The following TEAD1 variants were observed in gnomAD, a reference collection of about 807,000 sequenced individuals.
TEAD1 encodes TEA domain transcription factor 1.
TEAD1 carries 9 observed loss-of-function variants against 54.9 expected under a neutral mutation model. That is an observed-to-expected ratio of 0.16 (90% confidence interval 0.10 to 0.29). The LOEUF (loss-of-function observed/expected upper bound fraction) is 0.29. Ranked by LOEUF, TEAD1 falls within the 10% of genes least tolerant of loss-of-function variation. The pLI is 1.00. For synonymous variants in TEAD1, 200 were observed against 187.8 expected (o/e 1.07, Z -0.53); for missense variants, 387 against 535.9 (o/e 0.72, Z 2.74).
chr11:12,801,940 G>A (rs1253968499), intron 3 of TEAD1, among the ~76,000 whole-genome samples: 2 of 152,202 alleles, frequency 1.3e-5, no homozygotes, highest in African/African-American at 4.8e-5. Context: ...TTGGCTTAAT[G>A]TAGATATGTT....
chr11:12,883,993 CAAA>C (rs11316523), intron 9 of TEAD1, among the ~76,000 whole-genome samples: 13 of 128,384 alleles, frequency 1.0e-4, no homozygotes, highest in Non-Finnish European at 1.0e-4. Context: ...GACTCCGTCT[CAAA>C]AAAAAAAAAA....
intron 2 of TEAD1, among the ~76,000 whole-genome samples, chr11:12,677,122 C>T (rs1026948427): frequency 9.9e-5 from 15 of 152,092 alleles, no homozygotes; most frequent in African/African-American, 3.1e-4. Context: ...CTGCGGGGAA[C>T]ATGCCTGAGA....
intron 5 of TEAD1, chr11:12,878,840 A>G (rs1330226125): frequency 8.1e-7 from 1 of 1,227,492 alleles, no homozygotes; most frequent in Admixed American, 2.9e-5. Context: ...AAGAAAAAAA[A>G]TCCCTTTTTA....
intron 2 of TEAD1, among the ~76,000 whole-genome samples, chr11:12,750,444 A>G (rs755826083): frequency 6.6e-6 from 1 of 152,226 alleles, no homozygotes; most frequent in Non-Finnish European, 1.5e-5. Context: ...CAGTTTATCT[A>G]GAGAACTGTC....
intron 3 of TEAD1, among the ~76,000 whole-genome samples, chr11:12,809,893 G>C (rs1946258497): frequency 6.6e-6 from 1 of 151,914 alleles, no homozygotes; most frequent in South Asian, 2.1e-4. Context: ...CCTGAGGCAT[G>C]AAGGAGGCCT....
At chr11:12,712,147 G>A (rs4537737) in intron 2 of TEAD1, among the ~76,000 whole-genome samples, 17,365 of 152,124 alleles carry the variant, frequency 0.11, 3,339 homozygotes, top group African/African-American at 0.4. Flanking sequence ...TCTTCATGGA[G>A]TCACCCTTGT....
intron 11 of TEAD1, among the ~76,000 whole-genome samples, chr11:12,926,907 G>T (rs748414128): frequency 6.8e-4 from 104 of 152,196 alleles, no homozygotes; most frequent in Non-Finnish European, 1.2e-3. Flanking sequence ...AGGAAGCAAA[G>T]TTACCTGTGT....
At chr11:12,777,246 C>T (rs761143253) in intron 3 of TEAD1, among the ~76,000 whole-genome samples, 2 of 152,222 alleles carry the variant, frequency 1.3e-5, no homozygotes, top group East Asian at 3.9e-4. Context: ...GTAGTCCCCC[C>T]GCCTTTGGGG....
chr11:12,714,125 C>T (rs1944003095), intron 2 of TEAD1, among the ~76,000 whole-genome samples: 1 of 152,136 alleles, frequency 6.6e-6, no homozygotes, highest in African/African-American at 2.4e-5. Context: ...GCAAGAATAT[C>T]TGGGCAGGCA....
chr11:12,900,532 C>A (rs1948407900), intron 9 of TEAD1, among the ~76,000 whole-genome samples: 1 of 152,134 alleles, frequency 6.6e-6, no homozygotes, highest in Non-Finnish European at 1.5e-5. Flanking sequence ...GAAGTGAATG[C>A]CATCACTGTC....
intron 2 of TEAD1, among the ~76,000 whole-genome samples, chr11:12,723,305 C>G (rs368004521): frequency 1.9e-3 from 284 of 152,248 alleles, no homozygotes; most frequent in African/African-American, 6.4e-3. Context: ...TATGGCTTTA[C>G]TTACTATGTT....
chr11:12,772,828 T>C lies in TEAD1; in HGVS notation c.202+8394T>C, dbSNP rs4319499. Among the ~76,000 whole-genome samples the C allele has an allele frequency of 2.6e-3, 394 of 152,256 alleles. 11 individuals carry two copies. The East Asian group carries it at 0.061, about 24-fold the overall frequency. ...AGTTTTACTTGAACTCGTTTGTGTG[T>C]GCGTACTAAGTTGTGTACACTACTT... is the stretch of plus-strand genomic sequence containing the variant. On this transcript the variant is annotated intron_variant, in intron 3 of 12. Transcript: ENST00000527636.
chr11:12,753,595 A>G (rs781580772), intron 2 of TEAD1, among the ~76,000 whole-genome samples: 2 of 151,278 alleles, frequency 1.3e-5, no homozygotes, highest in Admixed American at 6.6e-5. Context: ...TTTTTTTTCT[A>G]TTGGGTTGTC....
At chr11:12,806,513 G>C (rs1946176044) in intron 3 of TEAD1, among the ~76,000 whole-genome samples, 2 of 151,996 alleles carry the variant, frequency 1.3e-5, no homozygotes, top group South Asian at 4.1e-4. Flanking sequence ...ATCCTCAAAG[G>C]CTCCTCACCC....
intron 6 of TEAD1, 118 bp from the exon 7 acceptor site, chr11:12,880,887 C>A (rs531435617): frequency 4.3e-6 from 5 of 1,168,438 alleles, no homozygotes; most frequent in Non-Finnish European, 6.5e-6. Flanking sequence ...TCTGGGAAAG[C>A]GATTCTGTTG....
intron 5 of TEAD1, among the ~76,000 whole-genome samples, chr11:12,878,232 A>G (rs1947895274): frequency 6.6e-6 from 1 of 152,162 alleles, no homozygotes; most frequent in South Asian, 2.1e-4. Flanking sequence ...CACCTAGCAC[A>G]TCTTTCTTAG....
Position 12,764,314 on chromosome 11 carries a change from G to C in TEAD1, c.82G>C (p.Asp28His). Reference sequence around the variant, plus strand: ...GAGTGACTCTGCAGATAAGCCAATTGACAATGATGCAGAAGGGGTCTGGAG... The same window carrying C: ...GAGTGACTCTGCAGATAAGCCAATTCACAATGATGCAGAAGGGGTCTGGAG... The change falls in exon 3 of 13, where the codon GAC becomes CAC. Residue 28 changes from aspartate (D) to histidine (H), a missense_variant. Physicochemically the swap from Asp to His is moderately conservative, Grantham distance 81. Around this residue, in one of 5 missense-constraint regions of TEAD1, gnomAD observed 55 missense variants for 50.4 expected, o/e 1.09. Transcript: ENST00000527636. 6.2e-7 allele frequency: 1 copy of C among 1,614,202 alleles called. No homozygotes were observed. The highest frequency in any genetic ancestry group is 8.5e-7 in the Non-Finnish European group (1 of 1,180,032).
chr11:12,679,509 AAT>A (rs1321556649), intron 2 of TEAD1, among the ~76,000 whole-genome samples: 1 of 152,226 alleles, frequency 6.6e-6, no homozygotes, highest in Non-Finnish European at 1.5e-5. Context: ...CTTGACTGGG[AAT>A]ATACAACACT....
At chr11:12,831,616 A>G (rs897891639) in intron 3 of TEAD1, among the ~76,000 whole-genome samples, 16 of 152,128 alleles carry the variant, frequency 1.1e-4, no homozygotes, top group African/African-American at 3.9e-4. Flanking sequence ...TATCTCTACA[A>G]ACAATTTTAA....
Sources: gnomAD v4.1 joint callset for allele counts (sites outside exome capture counted in the v4.1 genomes callset) on GRCh38, gnomAD v4.1.1 for gene constraint, gnomAD v4.1.1 regional missense constraint, MANE v1.5 for transcripts, NCBI Gene and HGNC (gene_info 2026-07-23, HGNC 2026-07-21) for gene names.